Variants in JARID2 observed in about 807,000 individuals in gnomAD.
JARID2 encodes the protein protein Jumonji.
In JARID2, 21 loss-of-function variants were observed where a neutral mutation model predicts 125.6. The observed-to-expected ratio is 0.17, with a 90% CI of 0.12 to 0.24. JARID2 has a LOEUF of 0.24. Among genes scored for constraint, JARID2 ranks in the 10% least tolerant of loss-of-function variants. The pLI, the probability that JARID2 is intolerant of heterozygous loss-of-function variation, is 1.00. For synonymous variants in JARID2, 736 were observed against 661.6 expected (o/e 1.11, Z -1.73); for missense variants, 1,303 against 1,639.6 (o/e 0.79, Z 3.55).
chr6:15,368,774 C>T (rs760025292), intron 1 of JARID2: 15 of 468,174 alleles, frequency 3.2e-5, no homozygotes, highest in Admixed American at 9.1e-5. Flanking sequence ...TAATACTGGC[C>T]GCATGGGATG....
At chr6:15,431,098 T>C (rs1226416174) in intron 3 of JARID2, among the ~76,000 whole-genome samples, 1 of 152,198 alleles carries the variant, frequency 6.6e-6, no homozygotes, top group Non-Finnish European at 1.5e-5. Context: ...CTTGTAGTTT[T>C]TCCCCTTTGT....
At chr6:15,328,966 CAG>C (rs1406856493) in intron 1 of JARID2, among the ~76,000 whole-genome samples, 4 of 152,272 alleles carry the variant, frequency 2.6e-5, no homozygotes, top group Admixed American at 6.5e-5. Flanking sequence ...CAGTAAAAGC[CAG>C]AGAGATCTTC....
chr6:15,519,872 G>C (rs1771748795), intron 17 of JARID2, among the ~76,000 whole-genome samples, 197 bp from the exon 18 acceptor site: 1 of 152,094 alleles, frequency 6.6e-6, no homozygotes, highest in Non-Finnish European at 1.5e-5. Context: ...GGCCATGCCT[G>C]CTATGTGGCA....
intron 2 of JARID2, among the ~76,000 whole-genome samples, chr6:15,377,668 A>G (rs936078674): frequency 6.6e-6 from 1 of 151,962 alleles, no homozygotes; most frequent in Non-Finnish European, 1.5e-5. Context: ...TTATAGTAAT[A>G]ATAATAAATT....
intron 2 of JARID2, among the ~76,000 whole-genome samples, chr6:15,401,786 C>T (rs1038578949): frequency 2.6e-5 from 4 of 152,112 alleles, no homozygotes; most frequent in African/African-American, 9.7e-5. Flanking sequence ...ATTCCATGGC[C>T]ACATTCCTAT....
chr6:15,405,820 G>A (rs1307146576), intron 2 of JARID2, among the ~76,000 whole-genome samples: 2 of 152,168 alleles, frequency 1.3e-5, no homozygotes, highest in African/African-American at 4.8e-5. Context: ...CATTAGCTTG[G>A]CTAATGTTAT....
At chr6:15,403,182 A>G (rs1487146035) in intron 2 of JARID2, among the ~76,000 whole-genome samples, 1 of 152,192 alleles carries the variant, frequency 6.6e-6, no homozygotes, top group Non-Finnish European at 1.5e-5. Context: ...ATCAGAGTTT[A>G]AATAGCTTCT....
Position 15,470,176 on chromosome 6 carries a change from CAAAAA to C in JARID2, c.670+1469_670+1473del, listed in dbSNP as rs34467447. Among the ~76,000 whole-genome samples the C allele has an allele frequency of 3.1e-5, 4 of 128,906 alleles. No individual in the cohort carries two copies. The South Asian group carries it at 1.1e-3, about 34-fold the overall frequency. 84.6% of individuals were successfully genotyped at this position (128,906 alleles called of 152,430 possible). On this transcript the variant is annotated intron_variant, in intron 5 of 17. Transcript: ENST00000341776. Reference sequence around the variant, plus strand: ...TGGGCGACAGAGCGAGACTCTGTCTCAAAAAAAAAAAAAAAGTAGGAAAGAAAGAG... The same window carrying C: ...TGGGCGACAGAGCGAGACTCTGTCTCAAAAAAAAAAGTAGGAAAGAAAGAG...
At chr6:15,485,754 G>A (rs968072749) in intron 5 of JARID2, among the ~76,000 whole-genome samples, 27 of 152,050 alleles carry the variant, frequency 1.8e-4, no homozygotes, top group African/African-American at 4.8e-4. Context: ...AAAAGTAAAC[G>A]GCAAAAGAGG....
chr6:15,469,949 T>C (rs3819398), intron 5 of JARID2, among the ~76,000 whole-genome samples: 101,336 of 151,686 alleles, frequency 0.67, 34,061 homozygotes, highest in East Asian at 0.81. Context: ...GAGGCTGAGG[T>C]GGGCAGATCA....
At chr6:15,508,295 G>T in intron 11 of JARID2, 45 bp from the exon 12 acceptor site, 1 of 948,140 alleles carries the variant, frequency 1.1e-6, no homozygotes, top group Non-Finnish European at 1.7e-6. Flanking sequence ...TTGAGACCTT[G>T]TTGCCTAGCT....
chr6:15,496,178 G>A lies in JARID2; in HGVS notation c.953G>A (p.Gly318Asp), dbSNP rs1219568800. 2 of 1,614,090 alleles carry A rather than the reference G, an allele frequency of 1.2e-6. No individual in the cohort carries two copies. Among genetic ancestry groups the A allele is most frequent in the Non-Finnish European group, 1.7e-6 (2 of 1,180,022 alleles). ...GVTRMSSLGA[G>D]VTSAKKMREV... ...ACTCGAATGTCATCTCTGGGTGCAGGTGTAACCAGTGCCAAAAAGATGCGC... is the reference window on the plus strand; with the variant it reads ...ACTCGAATGTCATCTCTGGGTGCAGATGTAACCAGTGCCAAAAAGATGCGC... The change falls in exon 7 of 18, where the codon GGT becomes GAT. Residue 318 changes from glycine (G) to aspartate (D), a missense_variant. This residue lies in a region of JARID2 where 651 missense variants were observed against 581.6 expected (regional missense o/e 1.12). Coordinates refer to ENST00000341776, the MANE Select transcript of JARID2 (RefSeq NM_004973.4).
At chr6:15,437,062 C>G (rs537225529) in intron 3 of JARID2, among the ~76,000 whole-genome samples, 108 of 152,106 alleles carry the variant, frequency 7.1e-4, no homozygotes, top group Non-Finnish European at 2.4e-4. Context: ...TTTTACTGTT[C>G]AGCTTCAGCA....
chr6:15,351,882 T>C (rs1763440204), intron 1 of JARID2, among the ~76,000 whole-genome samples: 1 of 152,186 alleles, frequency 6.6e-6, no homozygotes, highest in Admixed American at 6.5e-5. Context: ...CGCTTCCCTC[T>C]GCTGATGACA....
intron 2 of JARID2, among the ~76,000 whole-genome samples, chr6:15,406,697 A>G (rs1765664869): frequency 6.6e-6 from 1 of 152,242 alleles, no homozygotes; most frequent in South Asian, 2.1e-4. Context: ...CATTTTGCTT[A>G]CATAAAATCG....
At chr6:15,264,612 AGTGTGTGTGTGT>A (rs148424538) in intron 1 of JARID2, among the ~76,000 whole-genome samples, 6 of 146,240 alleles carry the variant, frequency 4.1e-5, no homozygotes, top group African/African-American at 1.0e-4. Context: ...GGTAGGTGTG[AGTGTGTGTGTGT>A]GTGTGTGTGT....
chr6:15,411,149 T>A (rs1243114962), intron 3 of JARID2, among the ~76,000 whole-genome samples: 1 of 151,366 alleles, frequency 6.6e-6, no homozygotes, highest in African/African-American at 2.4e-5. Flanking sequence ...CCTGACTTTT[T>A]CTTAGAATTT....
At chr6:15,423,091 C>T (rs1766573424) in intron 3 of JARID2, among the ~76,000 whole-genome samples, 1 of 151,752 alleles carries the variant, frequency 6.6e-6, no homozygotes, top group Admixed American at 6.6e-5. Context: ...CCTCCGCGTC[C>T]TGGGTGCAAG....
intron 1 of JARID2, among the ~76,000 whole-genome samples, chr6:15,357,061 C>G (rs550475382): frequency 1.3e-5 from 2 of 152,326 alleles, no homozygotes; most frequent in Admixed American, 1.3e-4. Flanking sequence ...TTCACAGTTA[C>G]TTGGCTATGT....
Sources: allele counts gnomAD v4.1 joint callset (sites outside exome capture counted in the v4.1 genomes callset), GRCh38; gene constraint gnomAD v4.1.1; regional missense constraint gnomAD v4.1.1; transcripts MANE v1.5; gene names NCBI Gene and HGNC (gene_info 2026-07-23, HGNC 2026-07-21).